The following NTM variants were observed in gnomAD, a reference collection of about 807,000 sequenced individuals.
NTM encodes IgLON family member 2.
Under a neutral mutation model 42.1 loss-of-function variants are expected in NTM, and 13 were observed. The observed-to-expected ratio is 0.31, with a 90% CI of 0.20 to 0.49. The LOEUF (loss-of-function observed/expected upper bound fraction) is 0.49, where lower values mean the gene tolerates loss of function less well. Among genes scored for constraint, NTM ranks in the 20% least tolerant of loss-of-function variants. The probability of loss-of-function intolerance (pLI) is 0.99; values close to 1 mark genes in which losing one functional copy is unlikely to be tolerated. For missense variants in NTM, 373 were observed against 452.8 expected (o/e 0.82, Z 1.60); for synonymous variants, 187 against 179.2 (o/e 1.04, Z -0.35).
chr11:131,660,794 C>A, intron 1 of NTM: 1 of 1,134,770 alleles, frequency 8.8e-7, no homozygotes, highest in Non-Finnish European at 1.1e-6. Context: ...TCCTGAGTTT[C>A]ATTAAATATA....
chr11:131,715,952 T>G (rs977150825), intron 1 of NTM, among the ~76,000 whole-genome samples: 2 of 152,240 alleles, frequency 1.3e-5, no homozygotes, highest in African/African-American at 4.8e-5. Context: ...AAAGCTCCTA[T>G]GAGCATTCAT....
At chr11:131,389,034 G>GAAAAA (rs1352205835) in intron 1 of NTM, among the ~76,000 whole-genome samples, 1 of 144,384 alleles carries the variant, frequency 6.9e-6, no homozygotes, top group African/African-American at 2.6e-5. Context: ...AAAAAGAAAA[G>GAAAAA]AAAAGAAAAG....
At chr11:131,812,651 G>A (rs2092787578) in intron 1 of NTM, among the ~76,000 whole-genome samples, 1 of 152,106 alleles carries the variant, frequency 6.6e-6, no homozygotes, top group African/African-American at 2.4e-5. Flanking sequence ...AGGAGCTAGG[G>A]GAGTGCATGG....
At chr11:131,628,729 T>C (rs562442033) in intron 1 of NTM, among the ~76,000 whole-genome samples, 1 of 152,332 alleles carries the variant, frequency 6.6e-6, no homozygotes, top group African/African-American at 2.4e-5. Flanking sequence ...ACACCTGAGT[T>C]GAAAACTGGA....
chr11:131,662,307 T>C (rs2068216602), intron 1 of NTM: 1 of 152,212 alleles, frequency 6.6e-6, no homozygotes, highest in South Asian at 2.1e-4. Context: ...TCTTTTTTCA[T>C]GATGCCATGT....
At chr11:131,850,465 C>T (rs2045398926) in intron 1 of NTM, among the ~76,000 whole-genome samples, 1 of 152,168 alleles carries the variant, frequency 6.6e-6, no homozygotes, top group South Asian at 2.1e-4. Context: ...GCAGAATACA[C>T]ATGTCTACTA....
rs1338629099 is a variant in NTM, at chr11:132,134,743, A to G, written c.168-11539A>G. Reference sequence around the variant, plus strand: ...TATATATATATATATATATATATATATATATATATATATATATCTCACATT... The same window carrying G: ...TATATATATATATATATATATATATGTATATATATATATATATCTCACATT... On this transcript the variant is annotated intron_variant, in intron 2 of 8. Coordinates refer to ENST00000683400, the MANE Select transcript of NTM (RefSeq NM_001352005.2). Among the ~76,000 whole-genome samples, 580 of 87,594 alleles carry G rather than the reference A, an allele frequency of 6.6e-3. 39 individuals carry two copies. The highest frequency in any genetic ancestry group is 0.03 in the African/African-American group (548 of 18,230). The allele number at this position is 87,594 out of a possible 152,430, so 57.5% of individuals were successfully genotyped here.
chr11:132,243,205 T>C (rs2090510873), intron 4 of NTM, among the ~76,000 whole-genome samples: 1 of 152,190 alleles, frequency 6.6e-6, no homozygotes, highest in African/African-American at 2.4e-5. Flanking sequence ...TCTTTGATCA[T>C]GTTTTGAAGC....
chr11:132,143,964 A>G (rs1161298043), intron 2 of NTM, among the ~76,000 whole-genome samples: 3 of 142,100 alleles, frequency 2.1e-5, no homozygotes, highest in South Asian at 4.5e-4. Flanking sequence ...TTGTCATCAA[A>G]GCCACAAGAA....
intron 4 of NTM, among the ~76,000 whole-genome samples, chr11:132,293,620 A>ATGG (rs1228035355): frequency 2.6e-5 from 4 of 152,018 alleles, no homozygotes; most frequent in Non-Finnish European, 5.9e-5. Context: ...AGCAAACTAC[A>ATGG]GCCTATGGGC....
At chr11:131,604,058 G>C (rs966683523) in intron 1 of NTM, among the ~76,000 whole-genome samples, 1 of 152,134 alleles carries the variant, frequency 6.6e-6, no homozygotes, top group Non-Finnish European at 1.5e-5. Context: ...GACTAGGAGT[G>C]GGTCATATGA....
intron 3 of NTM, among the ~76,000 whole-genome samples, chr11:132,172,843 C>T (rs189801558): frequency 3.9e-5 from 6 of 152,258 alleles, no homozygotes; most frequent in East Asian, 3.9e-4. Context: ...TTGTTTCGAT[C>T]GCTTTTGCCA....
chr11:131,592,402 A>C lies in NTM; in HGVS notation c.82+221514A>C, dbSNP rs80251563. On this transcript the variant is annotated intron_variant, in intron 1 of 8. Coordinates refer to ENST00000683400, the MANE Select transcript of NTM (RefSeq NM_001352005.2). ...CACGAAGTCTAGCCCAGGGCCTGGA[A>C]ATCACACATGCTCAGTAATGACTTG... 6.7e-3 allele frequency among the ~76,000 whole-genome samples: 1,020 copies of C among 152,216 alleles called. 12 individuals are homozygous for C. The highest frequency in any genetic ancestry group is 0.023 in the African/African-American group (959 of 41,508).
intron 2 of NTM, among the ~76,000 whole-genome samples, chr11:131,966,667 A>G (rs1308229611): frequency 2.0e-5 from 3 of 152,148 alleles, no homozygotes; most frequent in Admixed American, 6.6e-5. Flanking sequence ...GCTGGGATGC[A>G]GAGTGTGGTG....
intron 2 of NTM, among the ~76,000 whole-genome samples, chr11:131,945,650 A>G (rs2060262551): frequency 6.6e-6 from 1 of 152,252 alleles, no homozygotes; most frequent in Non-Finnish European, 1.5e-5. Flanking sequence ...CTCATCAGCC[A>G]GCCAGTATTT....
chr11:132,236,612 C>T (rs2088969231), intron 4 of NTM, among the ~76,000 whole-genome samples: 1 of 152,096 alleles, frequency 6.6e-6, no homozygotes, highest in South Asian at 2.1e-4. Context: ...ATACTTGAAT[C>T]GACAGGGATG....
At chr11:131,493,624 T>A (rs965905040) in intron 1 of NTM, among the ~76,000 whole-genome samples, 4 of 152,210 alleles carry the variant, frequency 2.6e-5, no homozygotes, top group East Asian at 1.9e-4. Flanking sequence ...TTACATCTGA[T>A]CTGAAGCCAC....
chr11:131,616,239 C>T (rs1388338868), intron 1 of NTM, among the ~76,000 whole-genome samples: 1 of 152,202 alleles, frequency 6.6e-6, no homozygotes, highest in African/African-American at 2.4e-5. Context: ...CTGTCCCGTG[C>T]CACCTCCCAG....
chr11:131,937,427 G>A (rs1343113255), intron 2 of NTM, among the ~76,000 whole-genome samples: 1 of 152,170 alleles, frequency 6.6e-6, no homozygotes, highest in African/African-American at 2.4e-5. Flanking sequence ...GGCGATGCAT[G>A]GGCCACTGAC....
Sources: gnomAD v4.1 joint callset for allele counts (sites outside exome capture counted in the v4.1 genomes callset) on GRCh38, gnomAD v4.1.1 for gene constraint, MANE v1.5 for transcripts, NCBI Gene and HGNC (gene_info 2026-07-23, HGNC 2026-07-21) for gene names.